Variants in MMP26 observed in about 807,000 individuals in gnomAD.
MMP26 encodes the protein matrix metalloproteinase-26.
In MMP26, 33 loss-of-function variants were observed where a neutral mutation model predicts 31.0. That is an observed-to-expected ratio of 1.06 (90% CI 0.81 to 1.42). MMP26 has a LOEUF of 1.42. Among genes scored for constraint, MMP26 ranks in the 40% most tolerant of loss-of-function variants. MMP26 has a pLI of 0.00. For synonymous variants in MMP26, 122 were observed against 114.9 expected, an observed-to-expected ratio of 1.06 and a Z score of -0.40; for missense variants, 347 against 316.1, an observed-to-expected ratio of 1.10 and a Z score of -0.74.
At chr11:4,729,459 G>C (rs1359781168) in intron 1 of MMP26, among the ~76,000 whole-genome samples, 2 of 152,150 alleles carry the variant, frequency 1.3e-5, no homozygotes, top group Non-Finnish European at 2.9e-5. Context: ...CCCAGACAGA[G>C]AGGGGCAGGA....
chr11:4,848,241 T>C (rs752943873), intron 2 of MMP26: 1 of 1,600,562 alleles, frequency 6.2e-7, no homozygotes, highest in East Asian at 2.2e-5. Context: ...TCCTACTCAC[T>C]GAGCACCACC....
At chr11:4,749,318 C>A (rs1042038593) in intron 1 of MMP26, among the ~76,000 whole-genome samples, 2 of 152,008 alleles carry the variant, frequency 1.3e-5, no homozygotes, top group South Asian at 4.1e-4. Flanking sequence ...ATCCCATAAT[C>A]ATGGATCAAA....
chr11:4,738,935 A>G (rs1308458300), intron 1 of MMP26, among the ~76,000 whole-genome samples: 2 of 151,978 alleles, frequency 1.3e-5, no homozygotes, highest in Non-Finnish European at 2.9e-5. Context: ...TTGCTTGGTC[A>G]ATGGATTTAA....
intron 1 of MMP26, among the ~76,000 whole-genome samples, chr11:4,766,650 A>G (rs953693500): frequency 2.0e-5 from 3 of 149,674 alleles, no homozygotes; most frequent in African/African-American, 7.4e-5. Context: ...GGCTGTTTGG[A>G]AACTTATTTA....
At chr11:4,809,284 G>A (rs188252397) in intron 2 of MMP26, among the ~76,000 whole-genome samples, 13 of 152,172 alleles carry the variant, frequency 8.5e-5, no homozygotes, top group South Asian at 4.2e-4. Context: ...CACGTTTAAC[G>A]TCAGATTTAA....
Position 4,707,998 on chromosome 11 carries a change from T to A in MMP26, c.-217+2953T>A, listed in dbSNP as rs139295176. Among the ~76,000 whole-genome samples the A allele has an allele frequency of 4.9e-4, 74 of 152,322 alleles. 1 individual carries two copies. The East Asian group carries it at 0.011, about 23-fold the overall frequency. ...GTTCCCCAGCACTCTGTCCTCAGAC[T>A]TCATTTCCCTTAGATTTATTACTCT... On this transcript the variant is annotated intron_variant, in intron 1 of 7. Coordinates refer to ENST00000380390, the MANE Select transcript of MMP26 (RefSeq NM_021801.5).
chr11:4,830,586 A>G (rs1189519077), intron 2 of MMP26, among the ~76,000 whole-genome samples: 1 of 152,172 alleles, frequency 6.6e-6, no homozygotes, highest in Non-Finnish European at 1.5e-5. Context: ...GCTCATTTCG[A>G]GGGGATTCAT....
chr11:4,783,233 G>A (rs2196123), intron 2 of MMP26, among the ~76,000 whole-genome samples: 3,763 of 152,306 alleles, frequency 0.025, 144 homozygotes, highest in African/African-American at 0.086. Flanking sequence ...AGGCCACAGG[G>A]GCAGACATGC....
At chr11:4,731,932 G>A (rs1848179229) in intron 1 of MMP26, among the ~76,000 whole-genome samples, 1 of 152,136 alleles carries the variant, frequency 6.6e-6, no homozygotes. Flanking sequence ...CTCTTTATCT[G>A]GGTATGGGGT....
rs1397455337 is a variant in MMP26, at chr11:4,923,492, A to G, written c.-144-64576A>G. ...GGGGTTCATAAGGGGTGGTACCAGC[A>G]GATACACATAGGACATGAAGAGGTG... On this transcript the variant is annotated intron_variant, in intron 2 of 7. Transcript: ENST00000380390. 2 of 1,614,136 alleles carry G rather than the reference A, an allele frequency of 1.2e-6. No homozygotes were observed. The highest frequency in any genetic ancestry group is 8.5e-7 in the Non-Finnish European group (1 of 1,180,010).
At chr11:4,936,878 A>G (rs1397164843) in intron 2 of MMP26, among the ~76,000 whole-genome samples, 1 of 152,168 alleles carries the variant, frequency 6.6e-6, no homozygotes, top group African/African-American at 2.4e-5. Flanking sequence ...ATCCATCCAA[A>G]TATGCAGTTA....
intron 2 of MMP26, chr11:4,882,866 A>C (rs1226824983): frequency 6.2e-7 from 1 of 1,612,778 alleles, no homozygotes; most frequent in Non-Finnish European, 8.5e-7. Flanking sequence ...GAGGGGTCTT[A>C]GGGGAAGATG....
chr11:4,779,478 T>C (rs1848830789), intron 2 of MMP26, among the ~76,000 whole-genome samples: 1 of 152,106 alleles, frequency 6.6e-6, no homozygotes, highest in South Asian at 2.1e-4. Flanking sequence ...TTTCAAGTTT[T>C]GTGGACTCAC....
intron 2 of MMP26, chr11:4,914,981 C>A (rs760144153): frequency 3.7e-6 from 6 of 1,613,916 alleles, no homozygotes; most frequent in South Asian, 2.2e-5. Flanking sequence ...CAGCACGGTG[C>A]GCAGGATCAG....
At chr11:4,977,946 G>T (rs1258793552) in intron 2 of MMP26, among the ~76,000 whole-genome samples, 2 of 152,138 alleles carry the variant, frequency 1.3e-5, no homozygotes, top group Non-Finnish European at 2.9e-5. Flanking sequence ...AGGTGTCCAG[G>T]TGTCCAGGTG....
chr11:4,908,180 G>T (rs1850933577), intron 2 of MMP26: 2 of 1,614,038 alleles, frequency 1.2e-6, no homozygotes, highest in Admixed American at 3.3e-5. Context: ...AAGCCCTCTT[G>T]TTGTGATCCT....
intron 1 of MMP26, among the ~76,000 whole-genome samples, chr11:4,720,981 G>T (rs1286098477): frequency 6.6e-6 from 1 of 152,174 alleles, no homozygotes; most frequent in Non-Finnish European, 1.5e-5. Context: ...TCTGGGCAAA[G>T]AACTATTGCT....
chr11:4,733,328 A>T (rs7126616), intron 1 of MMP26, among the ~76,000 whole-genome samples: 6,620 of 152,270 alleles, frequency 0.043, 474 homozygotes, highest in African/African-American at 0.15. Context: ...CGTTGTTCCA[A>T]GGTTAATTTA....
At chr11:4,895,408 A>C (rs1000173108) in intron 2 of MMP26, among the ~76,000 whole-genome samples, 3 of 152,134 alleles carry the variant, frequency 2.0e-5, no homozygotes, top group African/African-American at 7.2e-5. Flanking sequence ...CCTGTTATCT[A>C]TGGACTGACT....
Sources: gnomAD v4.1 joint callset for allele counts (sites outside exome capture counted in the v4.1 genomes callset) on GRCh38, gnomAD v4.1.1 for gene constraint, MANE v1.5 for transcripts, NCBI Gene and HGNC (gene_info 2026-07-23, HGNC 2026-07-21) for gene names.